Variants in SOD1 observed in about 807,000 individuals in gnomAD.
SOD1 encodes the protein superoxide dismutase [Cu-Zn].
A neutral mutation model predicts 15.9 loss-of-function variants in SOD1; 8 were observed. The ratio of observed to expected loss-of-function variants is 0.50; its 90% CI spans 0.30 to 0.91. The LOEUF is 0.91. Ranked by LOEUF, SOD1 falls within the 40% of genes least tolerant of loss-of-function variation. The pLI is 0.07. For missense variants in SOD1, 137 were observed against 194.5 expected (o/e 0.70, Z 1.76); for synonymous variants, 86 against 71.2 (o/e 1.21, Z -1.04).
At chr21:31,665,458 C>CT (rs1311628152) in intron 2 of SOD1, among the ~76,000 whole-genome samples, 3 of 152,168 alleles carry the variant, frequency 2.0e-5, no homozygotes, top group Admixed American at 2.0e-4. Flanking sequence ...CCCCGAGTTG[C>CT]TTTTTGGCTT....
chr21:31,665,717 T>G (rs1001643690), intron 2 of SOD1, among the ~76,000 whole-genome samples: 9 of 152,196 alleles, frequency 5.9e-5, no homozygotes, highest in African/African-American at 2.2e-4. Flanking sequence ...CCCTTGCACA[T>G]AAGATGCTGT....
chr21:31,668,316 T>C (rs2049615954), intron 4 of SOD1, among the ~76,000 whole-genome samples, 155 bp from the exon 5 acceptor site: 1 of 152,220 alleles, frequency 6.6e-6, no homozygotes, highest in Non-Finnish European at 1.5e-5. Context: ...AGTAGTAGTT[T>C]CTACTTTTAA....
chr21:31,661,360 C>T (rs540395658), intron 1 of SOD1, among the ~76,000 whole-genome samples: 1 of 152,174 alleles, frequency 6.6e-6, no homozygotes, highest in African/African-American at 2.4e-5. Flanking sequence ...ACATAATTCA[C>T]CAGTACTAGT....
chr21:31,668,655 CA>C lies in SOD1; in HGVS notation c.*78del. 9.4e-7 allele frequency: 1 copy of C among 1,067,774 alleles called. No individual in the cohort carries two copies. Among genetic ancestry groups the C allele is most frequent in the Non-Finnish European group, 1.5e-6 (1 of 685,442 alleles). The allele number at this position is 1,067,774 out of a possible 1,614,324, so 66.1% of individuals were successfully genotyped here. On this transcript the variant is annotated 3_prime_UTR_variant, in exon 5 of 5. Transcript: ENST00000270142. Reference sequence around the variant, plus strand: ...AGCTGTAGAAATGTATCCTGATAAACATTAAACACTGTAATCTTAAAAGTGT... The same window carrying C: ...AGCTGTAGAAATGTATCCTGATAAACTTAAACACTGTAATCTTAAAAGTGT...
intron 4 of SOD1, 21 bp from the exon 5 acceptor site, chr21:31,668,450 T>C (rs776799530): frequency 9.4e-6 from 15 of 1,588,140 alleles, no homozygotes; most frequent in East Asian, 8.9e-5. Flanking sequence ...CCCAAAGTTA[T>C]CTTCTTAAAA....
chr21:31,667,455 G>T, intron 4 of SOD1, 80 bp downstream of exon 4: 1 of 1,040,790 alleles, frequency 9.6e-7, no homozygotes, highest in South Asian at 1.3e-5. Context: ...TGTTAGTCGC[G>T]GTTTCTAAAG....
intron 1 of SOD1, among the ~76,000 whole-genome samples, chr21:31,663,330 A>G (rs2049565428): frequency 6.6e-6 from 1 of 152,078 alleles, no homozygotes; most frequent in South Asian, 2.1e-4. Context: ...ACAGAGCGAG[A>G]CTCTTGTCTC....
Position 31,668,454 on chromosome 21 carries a change from C to G in SOD1, c.358-17C>G, listed in dbSNP as rs757264622. On this transcript the variant is annotated splice_polypyrimidine_tract_variant and intron_variant, in intron 4 of 4. Transcript: ENST00000270142. ...TTACTTGACAGCCCAAAGTTATCTTCTTAAAATTTTTTACAGGTCCATGAA... is the reference window on the plus strand; with the variant it reads ...TTACTTGACAGCCCAAAGTTATCTTGTTAAAATTTTTTACAGGTCCATGAA... 6.2e-7 allele frequency: 1 copy of G among 1,601,192 alleles called. No homozygotes were observed. Among genetic ancestry groups the G allele is most frequent in the Non-Finnish European group, 8.6e-7 (1 of 1,168,384 alleles).
At position 31,668,460 on chromosome 21, in the gene SOD1, A is replaced by AT; in HGVS notation, c.358-5dup. 1 of 1,610,200 alleles carries AT rather than the reference A, an allele frequency of 6.2e-7. No homozygotes were observed. The highest frequency in any genetic ancestry group is 8.5e-7 in the Non-Finnish European group (1 of 1,176,436). ...GACAGCCCAAAGTTATCTTCTTAAA[A>AT]TTTTTTACAGGTCCATGAAAAAGCA... is the stretch of plus-strand genomic sequence containing the variant. On this transcript the variant is annotated splice_polypyrimidine_tract_variant and intron_variant, in intron 4 of 4. Transcript: ENST00000270142.
intron 4 of SOD1, 137 bp downstream of exon 4, chr21:31,667,512 A>G: frequency 1.3e-6 from 1 of 754,180 alleles, no homozygotes; most frequent in East Asian, 2.5e-5. Context: ...AAGCAATTTT[A>G]TTGGACAATT....
rs377633271 is a variant in SOD1, at chr21:31,659,749, C to G, written c.-21C>G. The G allele has an allele frequency of 1.9e-6, 3 of 1,613,768 alleles. No homozygotes were observed. The highest frequency in any genetic ancestry group is 2.5e-6 in the Non-Finnish European group (3 of 1,179,812). ...CCGTTGCAGTCCTCGGAACCAGGAC[C>G]TCGGCGTGGCCTAGCGAGTTATGGC... is the stretch of plus-strand genomic sequence containing the variant. On this transcript the variant is annotated 5_prime_UTR_variant, in exon 1 of 5. Coordinates refer to ENST00000270142, the MANE Select transcript of SOD1 (RefSeq NM_000454.5).
At chr21:31,661,082 G>T (rs1283963485) in intron 1 of SOD1, among the ~76,000 whole-genome samples, 1 of 152,188 alleles carries the variant, frequency 6.6e-6, no homozygotes, top group African/African-American at 2.4e-5. Flanking sequence ...ACCAACTGGT[G>T]GAAAATTTTC....
chr21:31,665,382 T>C (rs2049584379), intron 2 of SOD1, among the ~76,000 whole-genome samples: 1 of 152,256 alleles, frequency 6.6e-6, no homozygotes, highest in South Asian at 2.1e-4. Flanking sequence ...TTCATCTTGC[T>C]AATTTAGTTT....
rs879164769 is a variant in SOD1, at chr21:31,659,843, C to T, written c.72+2C>T. On this transcript the variant is annotated splice_donor_variant, in intron 1 of 4. Transcript: ENST00000270142. LOFTEE classifies it low-confidence loss of function (GC_TO_GT_DONOR). ...GGCATCATCAATTTCGAGCAGAAGG[C>T]AAGGGCTGGGACGGAGGCTTGTTTG... 6.2e-7 allele frequency: 1 copy of T among 1,613,076 alleles called. No individual in the cohort carries two copies. The highest frequency in any genetic ancestry group is 8.5e-7 in the Non-Finnish European group (1 of 1,179,612).
In SOD1 at chr21:31,668,864, G is replaced by A. The variant is rs2049624558; in HGVS notation, c.*286G>A. On this transcript the variant is annotated 3_prime_UTR_variant, in exon 5 of 5. Coordinates refer to ENST00000270142, the MANE Select transcript of SOD1 (RefSeq NM_000454.5). Reference sequence around the variant, plus strand: ...TTGTCAGAATTTCTTTGTCATTCAAGCCTGTGAATAAAAACCCTGTATGGC... The same window carrying A: ...TTGTCAGAATTTCTTTGTCATTCAAACCTGTGAATAAAAACCCTGTATGGC... 7.7e-6 allele frequency: 3 copies of A among 388,346 alleles called. No individual in the cohort carries two copies. The highest frequency in any genetic ancestry group is 9.6e-6 in the Non-Finnish European group (2 of 208,420). The allele number at this position is 388,346 out of a possible 1,614,324, so 24.1% of individuals were successfully genotyped here.
At position 31,666,423 on chromosome 21, in the gene SOD1, C is replaced by CT. The variant is rs751210559; in HGVS notation, c.170-18dup. 80 of 1,557,816 alleles carry CT rather than the reference C, an allele frequency of 5.1e-5. 4 individuals carry two copies. The South Asian group carries it at 6.0e-4, about 12-fold the overall frequency. On this transcript the variant is annotated intron_variant, in intron 2 of 4. Transcript: ENST00000270142. ...TTGGGAACTTTAATTCATAATTTAG[C>CT]TTTTTTTTCTTCTTCTTATAAATAG...
chr21:31,662,216 CAG>C (rs1486629339), intron 1 of SOD1, among the ~76,000 whole-genome samples: 3 of 152,184 alleles, frequency 2.0e-5, no homozygotes, highest in South Asian at 2.1e-4. Context: ...CTCTTGATAA[CAG>C]AGTGTTTGAG....
In SOD1 at chr21:31,668,661, A is replaced by T. The variant is rs2049621393; in HGVS notation, c.*83A>T. ...AGAAATGTATCCTGATAAACATTAAACACTGTAATCTTAAAAGTGTAATTG... is the reference window on the plus strand; with the variant it reads ...AGAAATGTATCCTGATAAACATTAATCACTGTAATCTTAAAAGTGTAATTG... On this transcript the variant is annotated 3_prime_UTR_variant, in exon 5 of 5. Coordinates refer to ENST00000270142, the MANE Select transcript of SOD1 (RefSeq NM_000454.5). The T allele has an allele frequency of 2.9e-6, 3 of 1,037,922 alleles. No individual in the cohort carries two copies. The highest frequency in any genetic ancestry group is 4.5e-6 in the Non-Finnish European group (3 of 660,198). The allele number at this position is 1,037,922 out of a possible 1,614,324, so 64.3% of individuals were successfully genotyped here.
At chr21:31,659,966 G>A (rs1601153635) in intron 1 of SOD1, 125 bp downstream of exon 1, 1 of 850,712 alleles carries the variant, frequency 1.2e-6, no homozygotes, top group Non-Finnish European at 1.8e-6. Context: ...CCCGGTCCCG[G>A]CCCGTGCCGC....
Sources: gnomAD v4.1 joint callset for allele counts (sites outside exome capture counted in the v4.1 genomes callset) on GRCh38, gnomAD v4.1.1 for gene constraint, MANE v1.5 for transcripts, NCBI Gene and HGNC (gene_info 2026-07-23, HGNC 2026-07-21) for gene names.